ATP2B2: variants seen among roughly 807,000 people sequenced by gnomAD.
ATP2B2 encodes the protein ATPase plasma membrane Ca2+ transporting 2.
ATP2B2 carries 15 observed loss-of-function variants against 120.0 expected under a neutral mutation model. That is an observed-to-expected ratio of 0.12 (90% confidence interval 0.08 to 0.19). ATP2B2 has a LOEUF of 0.19. ATP2B2 is among the 10% of genes least tolerant of loss of function. The probability of loss-of-function intolerance (pLI) is 1.00; values close to 1 mark genes in which losing one functional copy is unlikely to be tolerated. For synonymous variants in ATP2B2, 694 were observed against 700.3 expected, an observed-to-expected ratio of 0.99 and a Z score of 0.14; for missense variants, 1,045 against 1,719.8, an observed-to-expected ratio of 0.61 and a Z score of 6.94.
At chr3:10,383,271 G>T (rs1340591754) in intron 8 of ATP2B2, among the ~76,000 whole-genome samples, 1 of 152,048 alleles carries the variant, frequency 6.6e-6, no homozygotes, top group Non-Finnish European at 1.5e-5. Flanking sequence ...ATATTATGGG[G>T]CAGACCAATT....
intron 2 of ATP2B2, among the ~76,000 whole-genome samples, chr3:10,577,827 T>C (rs1024957744): frequency 6.6e-6 from 1 of 152,226 alleles, no homozygotes; most frequent in Non-Finnish European, 1.5e-5. Context: ...CAGAGGAGGA[T>C]GAGCACTGAG....
At chr3:10,457,295 T>C (rs539644290) in intron 1 of ATP2B2, among the ~76,000 whole-genome samples, 3 of 152,212 alleles carry the variant, frequency 2.0e-5, no homozygotes, top group South Asian at 2.1e-4. Flanking sequence ...AGTATAGATA[T>C]GCAAGATGAG....
chr3:10,608,146 G>C (rs2069135919), intron 2 of ATP2B2, among the ~76,000 whole-genome samples: 1 of 152,172 alleles, frequency 6.6e-6, no homozygotes, highest in African/African-American at 2.4e-5. Context: ...CTAAGCACTG[G>C]CCTCTAGGAT....
At chr3:10,440,404 C>T (rs2063624732) in intron 2 of ATP2B2, among the ~76,000 whole-genome samples, 1 of 152,230 alleles carries the variant, frequency 6.6e-6, no homozygotes, top group Admixed American at 6.5e-5. Context: ...TCCAACCTGA[C>T]AGTCTACATA....
intron 1 of ATP2B2, among the ~76,000 whole-genome samples, chr3:10,624,151 C>T (rs1346275991): frequency 6.6e-6 from 1 of 152,110 alleles, no homozygotes; most frequent in East Asian, 1.9e-4. Flanking sequence ...CCAGTATTTC[C>T]CATATTAACT....
chr3:10,378,497 C>A, intron 9 of ATP2B2, 87 bp from the exon 10 acceptor site: 1 of 1,552,804 alleles, frequency 6.4e-7, no homozygotes, highest in South Asian at 1.1e-5. Flanking sequence ...CGCTGGCACC[C>A]ACCCCTGCCT....
Position 10,347,201 on chromosome 3 carries a change from C to T in ATP2B2, c.2405-1064G>A, listed in dbSNP as rs148767133. On this transcript the variant is annotated intron_variant, in intron 16 of 22. Coordinates refer to ENST00000360273, the MANE Select transcript of ATP2B2 (RefSeq NM_001001331.4). The surrounding 1 kb of genome is among the most constrained non-coding windows in gnomAD (Gnocchi z 5.2). Reference sequence around the variant, plus strand: ...TTCTCTTCTCTCATCCCCTGGCCACCCCCAATCTGTGCTTACGGTCCCACA... The same window carrying T: ...TTCTCTTCTCTCATCCCCTGGCCACTCCCAATCTGTGCTTACGGTCCCACA... Among the ~76,000 whole-genome samples, 1 of 152,164 alleles carries T rather than the reference C, an allele frequency of 6.6e-6. No homozygotes were observed. The highest frequency in any genetic ancestry group is 1.5e-5 in the Non-Finnish European group (1 of 68,030).
At chr3:10,453,968 G>C (rs670245) in intron 1 of ATP2B2, among the ~76,000 whole-genome samples, 135,599 of 149,260 alleles carry the variant, frequency 0.91, 61,693 homozygotes, top group African/African-American at 0.94. Flanking sequence ...ATCCATCCAT[G>C]CACTCGCTCA....
At chr3:10,486,867 G>C (rs182593204) in intron 1 of ATP2B2, among the ~76,000 whole-genome samples, 132 of 151,984 alleles carry the variant, frequency 8.7e-4, no homozygotes, top group African/African-American at 2.9e-3. Flanking sequence ...CTACAGGTGC[G>C]AGCCACCACA....
chr3:10,464,138 G>C (rs2064625928), intron 1 of ATP2B2, among the ~76,000 whole-genome samples: 1 of 152,214 alleles, frequency 6.6e-6, no homozygotes, highest in Non-Finnish European at 1.5e-5. Context: ...TGGCATGTCT[G>C]TCCCTGGCCA....
intron 1 of ATP2B2, among the ~76,000 whole-genome samples, chr3:10,487,069 C>T (rs1197347974): frequency 2.0e-5 from 3 of 152,176 alleles, no homozygotes. Flanking sequence ...GAGAACTCCT[C>T]TGTCTTGTTT....
chr3:10,634,654 C>A (rs1024333412), intron 1 of ATP2B2, among the ~76,000 whole-genome samples: 1 of 152,194 alleles, frequency 6.6e-6, no homozygotes, highest in Admixed American at 6.5e-5. Flanking sequence ...GAGGGCTGAG[C>A]CCAGTACAAG....
At chr3:10,432,629 G>A (rs1358148226) in intron 2 of ATP2B2, among the ~76,000 whole-genome samples, 1 of 152,270 alleles carries the variant, frequency 6.6e-6, no homozygotes, top group Non-Finnish European at 1.5e-5. Flanking sequence ...AGAGGATGCT[G>A]GCGGCTTCAC....
chr3:10,513,151 G>A (rs1264917536), intron 3 of ATP2B2, among the ~76,000 whole-genome samples: 4 of 126,258 alleles, frequency 3.2e-5, no homozygotes, highest in African/African-American at 9.4e-5. Flanking sequence ...AGGGGTGAGA[G>A]CATGCTCAGC....
chr3:10,560,896 TCAGTGGCCC>T (rs1436561252), intron 2 of ATP2B2, among the ~76,000 whole-genome samples: 1 of 152,164 alleles, frequency 6.6e-6, no homozygotes, highest in Admixed American at 6.5e-5. Context: ...CTGTCCTTTT[TCAGTGGCCC>T]CAGTGCACAA....
chr3:10,424,635 T>C (rs1559321419), intron 2 of ATP2B2, among the ~76,000 whole-genome samples: 1 of 152,158 alleles, frequency 6.6e-6, no homozygotes, highest in African/African-American at 2.4e-5. Context: ...TATAGAAAAA[T>C]GCATTTCTGT....
At chr3:10,549,665 C>G (rs541975336) in intron 2 of ATP2B2, among the ~76,000 whole-genome samples, 1 of 152,272 alleles carries the variant, frequency 6.6e-6, no homozygotes, top group African/African-American at 2.4e-5. Flanking sequence ...TTCCCTACCT[C>G]CCTCTCTCCT....
chr3:10,367,081 C>T (rs561819680), intron 12 of ATP2B2, among the ~76,000 whole-genome samples: 22 of 152,308 alleles, frequency 1.4e-4, no homozygotes, highest in African/African-American at 2.9e-4. Context: ...TTCTTCTGAG[C>T]GCTGGGAGGA....
At chr3:10,369,733 AG>A (rs1181658215) in intron 12 of ATP2B2, among the ~76,000 whole-genome samples, 3 of 152,212 alleles carry the variant, frequency 2.0e-5, no homozygotes, top group African/African-American at 7.2e-5. Context: ...TAGGAAACTG[AG>A]GCACCAAGAG....
Sources: allele counts gnomAD v4.1 joint callset (sites outside exome capture counted in the v4.1 genomes callset), GRCh38; gene constraint gnomAD v4.1.1; non-coding constraint Gnocchi (gnomAD v3.1); transcripts MANE v1.5; gene names NCBI Gene and HGNC (gene_info 2026-07-23, HGNC 2026-07-21).